The following ZAN variants were observed in gnomAD, a reference collection of about 807,000 sequenced individuals.
The protein encoded by ZAN is zonadhesin (gene/pseudogene).
Under a neutral mutation model 286.2 loss-of-function variants are expected in ZAN, and 260 were observed. That is an observed-to-expected ratio of 0.91 (90% CI 0.82 to 1.01). The LOEUF (loss-of-function observed/expected upper bound fraction) is 1.01. ZAN is among the 50% of genes least tolerant of loss of function. The pLI is 0.00. For missense variants in ZAN, 3,410 were observed against 3,639.2 expected (o/e 0.94, Z 1.62); for synonymous variants, 1,368 against 1,417.5 (o/e 0.97, Z 0.79).
rs377095189 is a variant in ZAN, at chr7:100,791,425, C to A, written c.7529+312C>A. Among the ~76,000 whole-genome samples the A allele has an allele frequency of 4.7e-4, 72 of 152,074 alleles. 1 individual carries two copies. In the East Asian group the frequency reaches 0.013, roughly 27 times the overall value. On this transcript the variant is annotated intron_variant, in intron 40 of 47. Transcript: ENST00000613979. ...TCCTCCTCCTTCTTCTTCTCCTCCT[C>A]CTACTTCTTCTTCCTCTGTCACCCA... is the stretch of plus-strand genomic sequence containing the variant.
chr7:100,767,771 C>T, intron 25 of ZAN, 60 bp from the exon 26 acceptor site: 2 of 1,556,162 alleles, frequency 1.3e-6, no homozygotes, highest in Non-Finnish European at 1.7e-6. Flanking sequence ...AGCCCCCGTC[C>T]TTGCCTTTAT....
rs767443837 is a variant in ZAN at position 100,767,887 on chromosome 7, A to G, written c.4917A>G (p.Ile1639Met). 2 of 1,613,784 alleles carry G rather than the reference A, an allele frequency of 1.2e-6. No homozygotes were observed. The highest frequency in any genetic ancestry group is 8.5e-7 in the Non-Finnish European group (1 of 1,179,818). ...GGCTTGCACAAGGCCGGGTGACCAT[A>G]AGGCTCAGCAGCAACCTCGTCCTCC... ...PVWLAQGRVTIRLSSNLVLLY... is the reference protein window; with the variant it reads ...PVWLAQGRVTMRLSSNLVLLY... Residue 1639 changes from isoleucine to methionine, a missense_variant, in exon 26 of 48, where the codon ATA (isoleucine) becomes ATG (methionine). Physicochemically the swap from Ile to Met is conservative, Grantham distance 10. This residue lies in a region of ZAN where 1,042 missense variants were observed against 1,058.0 expected (regional missense o/e 0.98). Transcript: ENST00000613979.
At chr7:100,754,608 A>C in intron 14 of ZAN, among the ~76,000 whole-genome samples, 1 of 151,842 alleles carries the variant, frequency 6.6e-6, no homozygotes, top group South Asian at 2.1e-4. Flanking sequence ...GGCTCAAGCA[A>C]CTATCCTGCC....
chr7:100,761,085 G>T (rs932959591), intron 19 of ZAN, among the ~76,000 whole-genome samples: 5 of 152,048 alleles, frequency 3.3e-5, no homozygotes, highest in African/African-American at 1.2e-4. Context: ...GTAGAGATGG[G>T]ATTTCATCAT....
chr7:100,735,655 C>G, intron 2 of ZAN, 65 bp from the exon 3 acceptor site: 1 of 1,236,722 alleles, frequency 8.1e-7, no homozygotes, highest in Non-Finnish European at 1.2e-6. Context: ...CTCACAGTCA[C>G]TGAATCTTAT....
At chr7:100,790,848 A>G in intron 39 of ZAN, 94 bp from the exon 40 acceptor site, 3 of 1,355,590 alleles carry the variant, frequency 2.2e-6, no homozygotes, top group South Asian at 3.1e-5. Context: ...ACACAACTGC[A>G]CTCCAGCCTG....
chr7:100,772,743 T>C (rs1405296885), intron 29 of ZAN, among the ~76,000 whole-genome samples: 4 of 148,640 alleles, frequency 2.7e-5, no homozygotes, highest in African/African-American at 7.5e-5. Flanking sequence ...ATGGCGTGAA[T>C]CTGGGAGGTG....
chr7:100,769,867 C>A lies in ZAN; in HGVS notation c.5154-13C>A. ...CAACCTGTAGCCCTCAGTTTCTATT[C>A]TCTCTCATTTAGCTGTTTCCTTGTG... On this transcript the variant is annotated splice_polypyrimidine_tract_variant and intron_variant, in intron 27 of 47. Transcript: ENST00000613979. 1 of 1,551,906 alleles carries A rather than the reference C, an allele frequency of 6.4e-7. No individual in the cohort carries two copies. Among genetic ancestry groups the A allele is most frequent in the Non-Finnish European group, 8.7e-7 (1 of 1,147,032 alleles).
chr7:100,790,926 C>T lies in ZAN; in HGVS notation c.7358-16C>T. ...AGTGAGGAGTCTCACTTCTGGGGAC[C>T]CCCTTCCTCCCGCAGTGATCTCCCT... On this transcript the variant is annotated splice_polypyrimidine_tract_variant and intron_variant, in intron 39 of 47. Coordinates refer to ENST00000613979, the MANE Select transcript of ZAN (RefSeq NM_003386.3). 2 of 1,592,124 alleles carry T rather than the reference C, an allele frequency of 1.3e-6. No homozygotes were observed. The highest frequency in any genetic ancestry group is 1.7e-6 in the Non-Finnish European group (2 of 1,170,072).
intron 6 of ZAN, among the ~76,000 whole-genome samples, chr7:100,737,834 G>A (rs1807423858): frequency 7.1e-6 from 1 of 141,254 alleles, no homozygotes; most frequent in South Asian, 2.2e-4. Context: ...CAGCACAGTG[G>A]CTCAGGCCTG....
Position 100,775,217 on chromosome 7 carries a change from C to G in ZAN, c.5780-111C>G, listed in dbSNP as rs1025760904. Reference sequence around the variant, plus strand: ...CATGAGCCACTGCGCACAGCCGGACCTGGGGTCTTGACTCTTTTCTGGAAG... The same window carrying G: ...CATGAGCCACTGCGCACAGCCGGACGTGGGGTCTTGACTCTTTTCTGGAAG... On this transcript the variant is annotated intron_variant, in intron 31 of 47. Coordinates refer to ENST00000613979, the MANE Select transcript of ZAN (RefSeq NM_003386.3). 7 of 1,463,540 alleles carry G rather than the reference C, an allele frequency of 4.8e-6. No homozygotes were observed. The South Asian group carries it at 8.5e-5, about 18-fold the overall frequency. 90.7% of individuals were successfully genotyped at this position (1,463,540 alleles called of 1,614,324 possible). A position where few individuals can be genotyped will look rare whatever the true frequency, so the allele number is the denominator to read the frequency against.
At chr7:100,780,085 C>T (rs1460798539) in intron 35 of ZAN, among the ~76,000 whole-genome samples, 1 of 151,444 alleles carries the variant, frequency 6.6e-6, no homozygotes, top group African/African-American at 2.4e-5. Flanking sequence ...CCCAGCTACT[C>T]GGGAGGCTGA....
rs1435754843 is a variant in ZAN at position 100,753,229 on chromosome 7, G to A, written c.3124G>A (p.Glu1042Lys). Residue 1042 changes from glutamate to lysine, a missense_variant and splice_region_variant, in exon 14 of 48, where the codon GAG becomes AAG. This residue lies in a region of ZAN where 1,042 missense variants were observed against 1,058.0 expected (regional missense o/e 0.98). Transcript: ENST00000613979. The stretch of plus-strand genomic sequence containing the variant: ...TACCACAACCTCCAGATCCAGTACA[G>A]GTATGAGGTGGATGGAGCGTGGGCC... ...GTTTTSRSST[E>K]RCPPNARYES... is the part of the protein sequence containing the mutation. 6.3e-7 allele frequency: 1 copy of A among 1,578,474 alleles called. No individual in the cohort carries two copies. Among genetic ancestry groups the A allele is most frequent in the Admixed American group, 1.9e-5 (1 of 53,146 alleles).
At chr7:100,753,749 C>CT (rs937485933) in intron 14 of ZAN, among the ~76,000 whole-genome samples, 16 of 147,226 alleles carry the variant, frequency 1.1e-4, no homozygotes, top group Non-Finnish European at 5.9e-5. Context: ...GGGAGGATCA[C>CT]TTGAGCCTAG....
Position 100,737,081 on chromosome 7 carries a change from G to T in ZAN, c.525+1G>T. The T allele has an allele frequency of 2.0e-6, 3 of 1,490,834 alleles. 1 individual carries two copies. The highest frequency in any genetic ancestry group is 2.7e-6 in the Non-Finnish European group (3 of 1,091,552). The allele number at this position is 1,490,834 out of a possible 1,614,324, so 92.4% of individuals were successfully genotyped here. The stretch of plus-strand genomic sequence containing the variant: ...CGCAGGGTTCACCCTGCCCACCCGG[G>T]TAAGGCCGGGGACAAATTGTGGGAC... On this transcript the variant is annotated splice_donor_variant, in intron 5 of 47. Coordinates refer to ENST00000613979, the MANE Select transcript of ZAN (RefSeq NM_003386.3). LOFTEE classifies it high-confidence loss of function.
rs1278910351 is a variant in ZAN, at chr7:100,788,098, G to A, written c.7189G>A (p.Gly2397Ser). ...FLQEVITTVYGYKVQLQAGLE... is the reference protein window; with the variant it reads ...FLQEVITTVYSYKVQLQAGLE... ...GCAGGAAGTGATTACCACCGTCTAC[G>A]GCTATAAAGTGCAGCTCCAAGCTGG... is the stretch of plus-strand genomic sequence containing the variant. Residue 2397 changes from glycine (G) to serine (S), a missense_variant, in exon 38 of 48, where the codon GGC becomes AGC. This residue lies in a region of ZAN where 1,289 missense variants were observed against 1,314.3 expected (regional missense o/e 0.98). Coordinates refer to ENST00000613979, the MANE Select transcript of ZAN (RefSeq NM_003386.3). 4 of 1,557,530 alleles carry A rather than the reference G, an allele frequency of 2.6e-6. No homozygotes were observed. Among genetic ancestry groups the A allele is most frequent in the South Asian group, 1.2e-5 (1 of 83,182 alleles).
intron 22 of ZAN, 103 bp from the exon 23 acceptor site, chr7:100,765,249 C>T: frequency 7.6e-7 from 1 of 1,307,270 alleles, no homozygotes; most frequent in Non-Finnish European, 1.1e-6. Context: ...CGAGATTGGC[C>T]AGAAGCCTGG....
Position 100,762,317 on chromosome 7 carries a change from G to A in ZAN, c.3945G>A (p.Glu1315=), listed in dbSNP as rs1210615187. 6.2e-7 allele frequency: 1 copy of A among 1,613,626 alleles called. No individual in the cohort carries two copies. Among genetic ancestry groups the A allele is most frequent in the Non-Finnish European group, 8.5e-7 (1 of 1,179,748 alleles). ...LDGSPAGDKE[E]LGNSWQTDQD... Reference sequence around the variant, plus strand: ...GCAGCCCAGCAGGAGACAAGGAGGAGCTGGGGAACAGCTGGCAGACGGACC... The same window carrying A: ...GCAGCCCAGCAGGAGACAAGGAGGAACTGGGGAACAGCTGGCAGACGGACC... Residue 1315 remains glutamate (E), a synonymous_variant, in exon 20 of 48, where the codon GAG becomes GAA. Transcript: ENST00000613979.
At chr7:100,783,448 T>C (rs751202976) in intron 35 of ZAN, among the ~76,000 whole-genome samples, 3 of 151,004 alleles carry the variant, frequency 2.0e-5, no homozygotes, top group Admixed American at 6.6e-5. Flanking sequence ...AAAATACTTT[T>C]GGTGGCTGGG....
Sources: allele counts gnomAD v4.1 joint callset (sites outside exome capture counted in the v4.1 genomes callset), GRCh38; gene constraint gnomAD v4.1.1; regional missense constraint gnomAD v4.1.1; transcripts MANE v1.5; gene names NCBI Gene and HGNC (gene_info 2026-07-23, HGNC 2026-07-21).